Variants in KCNG2 observed in about 807,000 individuals in gnomAD.
The protein encoded by KCNG2 is voltage-gated potassium channel regulatory subunit KCNG2.
A neutral mutation model predicts 12.3 loss-of-function variants in KCNG2; 7 were observed. The ratio of observed to expected loss-of-function variants is 0.57; its 90% CI spans 0.32 to 1.07. The LOEUF (loss-of-function observed/expected upper bound fraction) is 1.07, where lower values mean the gene tolerates loss of function less well. Among genes scored for constraint, KCNG2 ranks in the 50% least tolerant of loss-of-function variants. The pLI is 0.04. For synonymous variants in KCNG2, 414 were observed against 351.4 expected, an observed-to-expected ratio of 1.18 and a Z score of -1.99; for missense variants, 703 against 726.0, an observed-to-expected ratio of 0.97 and a Z score of 0.36.
At chr18:79,881,878 G>A (rs958852347) in intron 3 of KCNG2, among the ~76,000 whole-genome samples, 1 of 152,354 alleles carries the variant, frequency 6.6e-6, no homozygotes, top group African/African-American at 2.4e-5. Flanking sequence ...GCGTGGGGTC[G>A]TGGACACAGT....
At chr18:79,806,364 C>T (rs912352480) in intron 1 of KCNG2, among the ~76,000 whole-genome samples, 2 of 151,368 alleles carry the variant, frequency 1.3e-5, no homozygotes, top group African/African-American at 4.9e-5. Flanking sequence ...GACAAGGCCG[C>T]TGTGTCAGGG....
At chr18:79,867,153 G>A (rs2123081081) in intron 3 of KCNG2, among the ~76,000 whole-genome samples, 1 of 134,666 alleles carries the variant, frequency 7.4e-6, no homozygotes, top group Middle Eastern at 3.8e-3. Flanking sequence ...CGAGGTCTGG[G>A]TACCGAGGTC....
Position 79,884,044 on chromosome 18 carries a change from C to T in KCNG2, c.625-14996C>T, listed in dbSNP as rs748962683. ...GTCCTGACGTTTCTATCCCAACCCCCGCCCTGCCATCTTTTCTTCTCCCAG... is the reference window on the plus strand; with the variant it reads ...GTCCTGACGTTTCTATCCCAACCCCTGCCCTGCCATCTTTTCTTCTCCCAG... On this transcript the variant is annotated intron_variant, in intron 3 of 3. Transcript: ENST00000316249. The surrounding 1 kb of genome is among the most constrained non-coding windows in gnomAD (Gnocchi z 5.5). Among the ~76,000 whole-genome samples the T allele has an allele frequency of 2.0e-5, 3 of 151,762 alleles. No individual in the cohort carries two copies. The highest frequency in any genetic ancestry group is 1.5e-5 in the Non-Finnish European group (1 of 67,786).
intron 1 of KCNG2, among the ~76,000 whole-genome samples, chr18:79,815,441 CAAAAAAA>C (rs760919178): frequency 2.2e-4 from 17 of 78,812 alleles, no homozygotes; most frequent in African/African-American, 6.0e-4. Context: ...AACCCTGCCT[CAAAAAAA>C]AAAAAAAAAA....
intron 3 of KCNG2, among the ~76,000 whole-genome samples, chr18:79,868,888 C>T (rs896352555): frequency 2.0e-5 from 3 of 152,180 alleles, no homozygotes; most frequent in African/African-American, 7.2e-5. Flanking sequence ...CACGTGGGTG[C>T]GAGCGCTTCA....
rs746605475 is a variant in KCNG2 at position 79,884,732 on chromosome 18, G to C, written c.625-14308G>C. Among the ~76,000 whole-genome samples, 1 of 152,232 alleles carries C rather than the reference G, an allele frequency of 6.6e-6. No homozygotes were observed. Among genetic ancestry groups the C allele is most frequent in the Non-Finnish European group, 1.5e-5 (1 of 68,038 alleles). Reference sequence around the variant, plus strand: ...TGGCTTCGTGATGGGGAGCCACGGGGGCAGGGGTCCGCCCGGCTCTGTGTT... The same window carrying C: ...TGGCTTCGTGATGGGGAGCCACGGGCGCAGGGGTCCGCCCGGCTCTGTGTT... On this transcript the variant is annotated intron_variant, in intron 3 of 3. Transcript: ENST00000316249. The surrounding 1 kb of genome is among the most constrained non-coding windows in gnomAD (Gnocchi z 5.5).
intron 3 of KCNG2, among the ~76,000 whole-genome samples, chr18:79,894,851 G>A: frequency 6.6e-6 from 1 of 150,904 alleles, no homozygotes; most frequent in African/African-American, 2.4e-5. Flanking sequence ...CTTTTGATTG[G>A]GTTGTTCACT....
At chr18:79,879,506 G>A (rs1019752921) in intron 3 of KCNG2, among the ~76,000 whole-genome samples, 4 of 152,184 alleles carry the variant, frequency 2.6e-5, no homozygotes, top group African/African-American at 4.8e-5. Flanking sequence ...AAAAGGAACC[G>A]AGGGTGAAGA....
rs750717616 is a variant in KCNG2 at position 79,863,866 on chromosome 18, G to A, written c.199G>A (p.Asp67Asn). 5.4e-6 allele frequency: 8 copies of A among 1,471,806 alleles called. No individual in the cohort carries two copies. The highest frequency in any genetic ancestry group is 5.0e-5 in the South Asian group (4 of 79,850). 91.2% of individuals were successfully genotyped at this position (1,471,806 alleles called of 1,614,324 possible). A position where few individuals can be genotyped will look rare whatever the true frequency, so the allele number is the denominator to read the frequency against. The change falls in exon 3 of 4, where the codon GAC (aspartate) becomes AAC (asparagine). Residue 67 changes from aspartate (D) to asparagine (N), a missense_variant. Physicochemically the swap from Asp to Asn is conservative, Grantham distance 23 (BLOSUM62 1). Coordinates refer to ENST00000316249, the MANE Select transcript of KCNG2 (RefSeq NM_012283.2). The part of the protein sequence containing the change: ...RVCDDYDVSR[D>N]EFFFDRSPCA... ...GTGTGACGACTACGACGTGAGCCGC[G>A]ACGAGTTCTTCTTCGACCGCAGCCC... is the stretch of plus-strand genomic sequence containing the variant.
intron 1 of KCNG2, among the ~76,000 whole-genome samples, chr18:79,851,751 GTA>G (rs369891614): frequency 1.6e-3 from 51 of 32,446 alleles, no homozygotes; most frequent in Non-Finnish European, 7.0e-3. Flanking sequence ...CTGTGTGAAT[GTA>G]TGTGTGTGTG....
intron 2 of KCNG2, among the ~76,000 whole-genome samples, chr18:79,860,921 C>T (rs1291890450): frequency 3.9e-5 from 6 of 152,124 alleles, no homozygotes; most frequent in Non-Finnish European, 7.3e-5. Flanking sequence ...AGTCTTTCAC[C>T]GTTGACTATG....
chr18:79,832,834 T>G (rs1978303655), intron 1 of KCNG2, among the ~76,000 whole-genome samples: 1 of 152,140 alleles, frequency 6.6e-6, no homozygotes, highest in South Asian at 2.1e-4. Flanking sequence ...ATACAATCTC[T>G]CCTGTGGCTC....
At position 79,888,558 on chromosome 18, in the gene KCNG2, C is replaced by T. The variant is rs532545375; in HGVS notation, c.625-10482C>T. On this transcript the variant is annotated intron_variant, in intron 3 of 3. Transcript: ENST00000316249. Reference sequence around the variant, plus strand: ...TCATGAGGCCGCGGTGGGGCTGGGACGGCGGCGTCCTCCTCCTGAAGCCGC... The same window carrying T: ...TCATGAGGCCGCGGTGGGGCTGGGATGGCGGCGTCCTCCTCCTGAAGCCGC... Among the ~76,000 whole-genome samples the T allele has an allele frequency of 2.2e-4, 34 of 152,154 alleles. No individual in the cohort carries two copies. In the East Asian group the frequency reaches 5.2e-3, roughly 23 times the overall value.
At chr18:79,867,045 G>C (rs1979613657) in intron 3 of KCNG2, among the ~76,000 whole-genome samples, 1 of 149,156 alleles carries the variant, frequency 6.7e-6, no homozygotes, top group African/African-American at 2.5e-5. Flanking sequence ...GCCGAGGTCT[G>C]GGTGCTGAGA....
At chr18:79,869,050 A>G (rs62103192) in intron 3 of KCNG2, among the ~76,000 whole-genome samples, 1 of 152,136 alleles carries the variant, frequency 6.6e-6, no homozygotes, top group South Asian at 2.1e-4. Flanking sequence ...GTGCTGTCCC[A>G]GGTGCAGGGG....
chr18:79,897,534 G>T (rs1981022799), intron 3 of KCNG2, among the ~76,000 whole-genome samples: 1 of 152,134 alleles, frequency 6.6e-6, no homozygotes, highest in Non-Finnish European at 1.5e-5. Context: ...ATCTCATTCA[G>T]TTAAATTTGA....
At chr18:79,866,844 TGG>T (rs1979597951) in intron 3 of KCNG2, among the ~76,000 whole-genome samples, 6 of 49,704 alleles carry the variant, frequency 1.2e-4, no homozygotes, top group South Asian at 9.1e-4. Context: ...GCTGAGAGTG[TGG>T]GTGCTGAGGT....
intron 1 of KCNG2, among the ~76,000 whole-genome samples, chr18:79,805,364 G>A (rs2087441180): frequency 6.6e-6 from 1 of 152,218 alleles, no homozygotes; most frequent in Non-Finnish European, 1.5e-5. Context: ...GTGGCAGGAG[G>A]TGTAAGAGGA....
intron 1 of KCNG2, among the ~76,000 whole-genome samples, chr18:79,855,294 C>A (rs1333072040): frequency 6.6e-6 from 1 of 152,122 alleles, no homozygotes; most frequent in Admixed American, 6.5e-5. Context: ...CATTGGGCTG[C>A]AAACTTCTTT....
Sources: gnomAD v4.1 joint callset for allele counts (sites outside exome capture counted in the v4.1 genomes callset) on GRCh38, gnomAD v4.1.1 for gene constraint, Gnocchi (gnomAD v3.1) non-coding constraint, MANE v1.5 for transcripts, NCBI Gene and HGNC (gene_info 2026-07-23, HGNC 2026-07-21) for gene names.